DIAPH2: variants seen among roughly 807,000 people sequenced by gnomAD.
DIAPH2 encodes protein diaphanous homolog 2.
Under a neutral mutation model 92.7 loss-of-function variants are expected in DIAPH2, and 35 were observed. The observed-to-expected ratio is 0.38, with a 90% CI of 0.29 to 0.50. DIAPH2 has a LOEUF of 0.50. DIAPH2 is among the 20% of genes least tolerant of loss of function. The probability of loss-of-function intolerance (pLI) is 0.94; values close to 1 mark genes in which losing one functional copy is unlikely to be tolerated. For synonymous variants in DIAPH2, 301 were observed against 280.4 expected (o/e 1.07, Z -0.73); for missense variants, 701 against 819.5 (o/e 0.86, Z 1.77).
At chrX:97,416,315 T>G (rs995192313) in intron 25 of DIAPH2, among the ~76,000 whole-genome samples, 1 of 112,174 alleles carries the variant, frequency 8.9e-6, no homozygotes, top group African/African-American at 3.2e-5. Flanking sequence ...TTGCTGACCA[T>G]GTTTTGTACC....
At chrX:97,383,820 G>A (rs2069572881) in intron 24 of DIAPH2, 89 bp from the exon 25 acceptor site, 1 of 840,646 alleles carries the variant, frequency 1.2e-6, no homozygotes, top group Non-Finnish European at 1.6e-6. Context: ...ATATGTATAG[G>A]AAGCAGTGAG....
intron 25 of DIAPH2, among the ~76,000 whole-genome samples, chrX:97,391,580 G>A (rs1269618432): frequency 1.8e-5 from 2 of 111,045 alleles, no homozygotes; most frequent in African/African-American, 3.3e-5. Flanking sequence ...AAGTCACATT[G>A]GAAATTACAA....
intron 4 of DIAPH2, among the ~76,000 whole-genome samples, chrX:96,851,440 G>A (rs1289675747): frequency 8.9e-6 from 1 of 111,828 alleles, no homozygotes; most frequent in Non-Finnish European, 1.9e-5. Context: ...GTCCTTAGGT[G>A]TCTGTGGGGA....
intron 4 of DIAPH2, among the ~76,000 whole-genome samples, chrX:96,788,060 G>T (rs1569395395): frequency 9.1e-6 from 1 of 110,159 alleles, no homozygotes; most frequent in African/African-American, 3.3e-5. Flanking sequence ...ATCAGGAAAA[G>T]TATATCTTGA....
chrX:97,531,072 G>T (rs907326745), intron 26 of DIAPH2, among the ~76,000 whole-genome samples: 13 of 111,057 alleles, frequency 1.2e-4, no homozygotes, highest in Non-Finnish European at 1.5e-4. Flanking sequence ...TGAAAGGTAT[G>T]ATGGGCTTAA....
intron 22 of DIAPH2, among the ~76,000 whole-genome samples, chrX:97,165,899 ACT>A (rs753262461): frequency 6.8e-4 from 72 of 105,302 alleles, no homozygotes; most frequent in Middle Eastern, 4.9e-3. Context: ...CGTCTTCTCT[ACT>A]CTCTCTCTCT....
At chrX:96,922,936 G>C (rs1201679417) in intron 9 of DIAPH2, among the ~76,000 whole-genome samples, 3 of 111,378 alleles carry the variant, frequency 2.7e-5, no homozygotes, top group African/African-American at 9.8e-5. Flanking sequence ...TAGAGAAGCA[G>C]TACTATGGTA....
chrX:97,556,658 C>A (rs1295764760), intron 26 of DIAPH2, among the ~76,000 whole-genome samples: 1 of 111,625 alleles, frequency 9.0e-6, no homozygotes, highest in Non-Finnish European at 1.9e-5. Flanking sequence ...CCTAATGACA[C>A]CAGTCACTGG....
intron 9 of DIAPH2, among the ~76,000 whole-genome samples, chrX:96,921,738 C>T (rs1412783119): frequency 9.8e-6 from 1 of 102,336 alleles, no homozygotes; most frequent in African/African-American, 3.5e-5. Flanking sequence ...ATTTCTCCTC[C>T]TCTTACTTCC....
intron 23 of DIAPH2, among the ~76,000 whole-genome samples, chrX:97,251,939 G>A (rs1354313030): frequency 9.0e-6 from 1 of 111,352 alleles, no homozygotes; most frequent in Non-Finnish European, 1.9e-5. Context: ...CCAAGGTAGC[G>A]TACTTCCAGA....
At chrX:97,560,417 G>T (rs759759933) in intron 26 of DIAPH2, among the ~76,000 whole-genome samples, 2 of 112,304 alleles carry the variant, frequency 1.8e-5, no homozygotes. Context: ...CCAGTTAGCT[G>T]TGAGAGTAAA....
At chrX:97,060,288 A>AGT (rs774531445) in intron 17 of DIAPH2, among the ~76,000 whole-genome samples, 5 of 112,656 alleles carry the variant, frequency 4.4e-5, no homozygotes, top group Non-Finnish European at 9.4e-5. Flanking sequence ...TAGGAAAAAG[A>AGT]GTCAGCAGGT....
chrX:96,863,214 A>T (rs1299010219), intron 4 of DIAPH2, among the ~76,000 whole-genome samples: 1 of 98,382 alleles, frequency 1.0e-5, no homozygotes, highest in South Asian at 4.8e-4. Flanking sequence ...CTTTGTTATG[A>T]GTCCTTTCTT....
At chrX:97,195,590 G>T (rs1409870960) in intron 22 of DIAPH2, among the ~76,000 whole-genome samples, 1 of 107,781 alleles carries the variant, frequency 9.3e-6, no homozygotes, top group East Asian at 2.9e-4. Context: ...GAACCTGGGG[G>T]GTGGAGGTTG....
At chrX:97,185,475 A>ATGTGTG (rs1569323396) in intron 22 of DIAPH2, among the ~76,000 whole-genome samples, 1 of 1,341 alleles carries the variant, frequency 7.5e-4, no homozygotes, top group Non-Finnish European at 1.3e-3. Context: ...ATATATACAC[A>ATGTGTG]TATATATATA....
At chrX:97,467,634 C>A (rs1157186807) in intron 26 of DIAPH2, among the ~76,000 whole-genome samples, 1 of 111,935 alleles carries the variant, frequency 8.9e-6, no homozygotes, top group Non-Finnish European at 1.9e-5. Flanking sequence ...AGATGAACAG[C>A]AGTTTTTTAA....
At chrX:97,005,908 C>G (rs747031867) in intron 17 of DIAPH2, among the ~76,000 whole-genome samples, 1 of 68,165 alleles carries the variant, frequency 1.5e-5, no homozygotes, top group Non-Finnish European at 2.7e-5. Flanking sequence ...TGAAGTTTTT[C>G]TTTTTTTTTT....
intron 22 of DIAPH2, among the ~76,000 whole-genome samples, chrX:97,145,055 G>A (rs193085066): frequency 3.3e-4 from 37 of 111,913 alleles, no homozygotes; most frequent in Non-Finnish European, 5.3e-4. Context: ...GTGAGCCACC[G>A]CACCAGGCCT....
At chrX:96,929,474 C>G (rs1352169520) in intron 9 of DIAPH2, among the ~76,000 whole-genome samples, 2 of 110,801 alleles carry the variant, frequency 1.8e-5, no homozygotes, top group African/African-American at 6.5e-5. Flanking sequence ...CCTTTTAAAG[C>G]ATGTAACTTT....
Sources: allele counts gnomAD v4.1 joint callset (sites outside exome capture counted in the v4.1 genomes callset), GRCh38; gene constraint gnomAD v4.1.1; transcripts MANE v1.5; gene names NCBI Gene and HGNC (gene_info 2026-07-23, HGNC 2026-07-21).